Variants in PCDHAC1 observed in about 807,000 individuals in gnomAD.
PCDHAC1 encodes protocadherin alpha subfamily C, 1.
Under a neutral mutation model 60.0 loss-of-function variants are expected in PCDHAC1, and 42 were observed. The ratio of observed to expected loss-of-function variants is 0.70; its 90% CI spans 0.55 to 0.90. The LOEUF (loss-of-function observed/expected upper bound fraction) is 0.90. PCDHAC1 is among the 40% of genes least tolerant of loss of function. The pLI is 0.00. For synonymous variants in PCDHAC1, 468 were observed against 499.3 expected (o/e 0.94, Z 0.84); for missense variants, 1,160 against 1,222.3 (o/e 0.95, Z 0.76).
rs371705947 is a variant in PCDHAC1, at chr5:140,967,473, C to T, written c.2434-11476C>T. The T allele has an allele frequency of 6.6e-5, 107 of 1,613,362 alleles. No homozygotes were observed. The highest frequency in any genetic ancestry group is 6.6e-4 in the Middle Eastern group (4 of 6,058). On this transcript the variant is annotated intron_variant, in intron 1 of 3. Coordinates refer to ENST00000253807, the MANE Select transcript of PCDHAC1 (RefSeq NM_018898.5). The stretch of plus-strand genomic sequence containing the variant: ...ACAGCCGTGGATGGGGGCATCCCAG[C>T]CCGCTCGGGTACGGCACAGATCTCT...
chr5:140,988,557 T>G (rs1236263807), intron 3 of PCDHAC1, among the ~76,000 whole-genome samples: 3 of 152,190 alleles, frequency 2.0e-5, no homozygotes, highest in African/African-American at 7.2e-5. Context: ...CTTCATCTTC[T>G]TCTTGGGAAA....
chr5:140,953,913 G>A (rs2094950683), intron 1 of PCDHAC1, among the ~76,000 whole-genome samples: 1 of 152,104 alleles, frequency 6.6e-6, no homozygotes, highest in African/African-American at 2.4e-5. Flanking sequence ...CATCCATTAG[G>A]TATTCTTCCT....
chr5:140,931,259 CTATT>C (rs1407255574), intron 1 of PCDHAC1, among the ~76,000 whole-genome samples: 2 of 152,080 alleles, frequency 1.3e-5, no homozygotes, highest in African/African-American at 4.8e-5. Flanking sequence ...AGAAATTTCA[CTATT>C]TATTTCTTTT....
At chr5:140,967,380 A>C in intron 1 of PCDHAC1, 3 of 1,608,302 alleles carry the variant, frequency 1.9e-6, no homozygotes, top group Non-Finnish European at 2.6e-6. Flanking sequence ...GAGAACAGTA[A>C]AGTGCTTGAG....
intron 1 of PCDHAC1, among the ~76,000 whole-genome samples, chr5:140,945,222 A>T (rs1019202574): frequency 4.6e-5 from 7 of 152,260 alleles, no homozygotes; most frequent in Middle Eastern, 6.8e-3. Context: ...AAATAAAAAT[A>T]CTTAGGAATA....
At chr5:140,999,638 CTG>C (rs2097866913) in intron 3 of PCDHAC1, among the ~76,000 whole-genome samples, 1 of 152,170 alleles carries the variant, frequency 6.6e-6, no homozygotes, top group Non-Finnish European at 1.5e-5. Flanking sequence ...GTAGAGAAAA[CTG>C]TGCAGCCTGA....
rs2098422926 is a variant in PCDHAC1 at position 141,012,085 on chromosome 5, G to A, written c.*2148G>A. The A allele has an allele frequency of 1.3e-5, 2 of 153,740 alleles. No homozygotes were observed. Among genetic ancestry groups the A allele is most frequent in the Admixed American group, 1.3e-4 (2 of 15,280 alleles). 9.5% of individuals were successfully genotyped at this position (153,740 alleles called of 1,614,324 possible). A position where few individuals can be genotyped will look rare whatever the true frequency, so the allele number is the denominator to read the frequency against. ...ACATGTGAACCATTGCTACATTGTAGGTTGTGATCATTTTGCCCCACTGAA... is the reference window on the plus strand; with the variant it reads ...ACATGTGAACCATTGCTACATTGTAAGTTGTGATCATTTTGCCCCACTGAA... On this transcript the variant is annotated 3_prime_UTR_variant, in exon 4 of 4. Coordinates refer to ENST00000253807, the MANE Select transcript of PCDHAC1 (RefSeq NM_018898.5).
At chr5:141,005,130 T>C (rs2153983471) in intron 3 of PCDHAC1, among the ~76,000 whole-genome samples, 1 of 152,358 alleles carries the variant, frequency 6.6e-6, no homozygotes, top group South Asian at 2.1e-4. Flanking sequence ...CAAAAGTGCC[T>C]CATTGGAGAG....
intron 1 of PCDHAC1, among the ~76,000 whole-genome samples, chr5:140,947,079 C>T (rs2094082344): frequency 6.6e-6 from 1 of 151,398 alleles, no homozygotes; most frequent in Non-Finnish European, 1.5e-5. Context: ...TGTATTGAAA[C>T]ATCAGACTGT....
At chr5:140,966,416 A>T in intron 1 of PCDHAC1, 1 of 419,730 alleles carries the variant, frequency 2.4e-6, no homozygotes, top group Non-Finnish European at 4.1e-6. Context: ...TCAGAGCAGG[A>T]CTTGCTGAGC....
intron 3 of PCDHAC1, among the ~76,000 whole-genome samples, chr5:141,007,801 G>T (rs559830556): frequency 2.6e-5 from 4 of 152,148 alleles, no homozygotes; most frequent in Non-Finnish European, 5.9e-5. Flanking sequence ...GCCTTTATCT[G>T]CCATTCATTT....
chr5:141,009,654 C>T lies in PCDHAC1; in HGVS notation c.2609C>T (p.Pro870Leu). 4 of 1,614,012 alleles carry T rather than the reference C, an allele frequency of 2.5e-6. No individual in the cohort carries two copies. The highest frequency in any genetic ancestry group is 3.4e-6 in the Non-Finnish European group (4 of 1,179,962). The change falls in exon 4 of 4, where the codon CCA becomes CTA. Residue 870 changes from proline to leucine, a missense_variant. Pro to Leu is a moderately conservative substitution (Grantham distance 98, BLOSUM62 -3). This residue lies in a region of PCDHAC1 where 1,113 missense variants were observed against 1,163.7 expected (regional missense o/e 0.96). Coordinates refer to ENST00000253807, the MANE Select transcript of PCDHAC1 (RefSeq NM_018898.5). ...CCAGAGGCAGGAGAAGTGTCCCCTC[C>T]AGTCGGTGCGGGTGTCAACAGCAAC... ...PEPEAGEVSP[P>L]VGAGVNSNSW...
At chr5:141,006,305 G>A (rs548520638) in intron 3 of PCDHAC1, among the ~76,000 whole-genome samples, 25 of 151,934 alleles carry the variant, frequency 1.6e-4, no homozygotes, top group Admixed American at 5.2e-4. Context: ...TCCACTTCCC[G>A]GGTTCATGCC....
chr5:140,941,207 C>CTTCCTTTCTTTCTT (rs1563185091), intron 1 of PCDHAC1, among the ~76,000 whole-genome samples: 2 of 103,272 alleles, frequency 1.9e-5, no homozygotes, highest in African/African-American at 1.2e-4. Flanking sequence ...TTCTTCCTTT[C>CTTCCTTTCTTTCTT]TTTCTTCCTT....
intron 1 of PCDHAC1, among the ~76,000 whole-genome samples, chr5:140,939,868 T>C (rs868982739): frequency 2.6e-5 from 4 of 152,340 alleles, no homozygotes; most frequent in Middle Eastern, 6.8e-3. Flanking sequence ...CATTAGGTCA[T>C]CTTTGCTAGT....
intron 1 of PCDHAC1, chr5:140,969,583 A>G: frequency 1.1e-6 from 1 of 914,068 alleles, no homozygotes; most frequent in Admixed American, 3.0e-5. Context: ...AGTGAGGATT[A>G]GTCTTAATAT....
chr5:140,958,799 C>T (rs889190378), intron 1 of PCDHAC1, among the ~76,000 whole-genome samples: 3 of 152,104 alleles, frequency 2.0e-5, no homozygotes, highest in African/African-American at 7.2e-5. Context: ...AGTAAATTAT[C>T]ACACCATTCT....
chr5:140,973,556 C>A lies in PCDHAC1; in HGVS notation c.2434-5393C>A, dbSNP rs993191449. Among the ~76,000 whole-genome samples the A allele has an allele frequency of 3.9e-5, 6 of 152,336 alleles. 1 individual carries two copies. In the South Asian group the frequency reaches 1.2e-3, roughly 32 times the overall value. ...ATACAATAATTTATTTCAATTACCT[C>A]TTTCCTCAATTTTTCTACAGACTGC... On this transcript the variant is annotated intron_variant, in intron 1 of 3. Coordinates refer to ENST00000253807, the MANE Select transcript of PCDHAC1 (RefSeq NM_018898.5).
intron 1 of PCDHAC1, among the ~76,000 whole-genome samples, chr5:140,947,169 G>GTA (rs1235035694): frequency 1.3e-5 from 2 of 150,968 alleles, no homozygotes; most frequent in Non-Finnish European, 3.0e-5. Context: ...AGAAAATGTG[G>GTA]TATATATTCA....
Sources: gnomAD v4.1 joint callset for allele counts (sites outside exome capture counted in the v4.1 genomes callset) on GRCh38, gnomAD v4.1.1 for gene constraint, gnomAD v4.1.1 regional missense constraint, MANE v1.5 for transcripts, NCBI Gene and HGNC (gene_info 2026-07-23, HGNC 2026-07-21) for gene names.